Variants in PLAA observed in about 807,000 individuals in gnomAD.
PLAA encodes phospholipase A2 activating protein, also known as phospholipase A-2-activating protein.
A neutral mutation model predicts 84.1 loss-of-function variants in PLAA; 48 were observed. The observed-to-expected ratio is 0.57, with a 90% CI of 0.45 to 0.73. The LOEUF (loss-of-function observed/expected upper bound fraction) is 0.73. Ranked by LOEUF, PLAA falls within the 30% of genes least tolerant of loss-of-function variation. PLAA has a pLI of 0.00. For synonymous variants in PLAA, 392 were observed against 336.6 expected, an observed-to-expected ratio of 1.16 and a Z score of -1.80; for missense variants, 903 against 954.7, an observed-to-expected ratio of 0.95 and a Z score of 0.71.
intron 1 of PLAA, among the ~76,000 whole-genome samples, chr9:26,937,605 A>G (rs896853338): frequency 6.6e-6 from 1 of 152,218 alleles, no homozygotes; most frequent in Non-Finnish European, 1.5e-5. Flanking sequence ...GAGACTTTAA[A>G]ACAACTGTTT....
intron 10 of PLAA, among the ~76,000 whole-genome samples, chr9:26,914,276 C>G (rs890983864): frequency 2.6e-5 from 4 of 152,132 alleles, no homozygotes; most frequent in African/African-American, 9.7e-5. Flanking sequence ...GTGGGACTAA[C>G]TAGCACATAA....
At chr9:26,922,082 A>C (rs978406531) in intron 7 of PLAA, among the ~76,000 whole-genome samples, 1 of 152,226 alleles carries the variant, frequency 6.6e-6, no homozygotes, top group African/African-American at 2.4e-5. Flanking sequence ...AAAAACTGGT[A>C]GTTTAGCCTG....
chr9:26,908,590 C>T (rs1337130013), intron 12 of PLAA, among the ~76,000 whole-genome samples: 2 of 151,796 alleles, frequency 1.3e-5, no homozygotes, highest in African/African-American at 2.4e-5. Flanking sequence ...CTCAGCCTCC[C>T]GAGTAGCTGG....
rs565011145 is a variant in PLAA at position 26,903,768 on chromosome 9, TA to T, written c.*1742del. On this transcript the variant is annotated 3_prime_UTR_variant, in exon 14 of 14. Transcript: ENST00000397292. ...CAAACATGAAATAGTAAAGTTGACA[TA>T]AAAAAACTTGCACAGTAATAGGAAG... Among the ~76,000 whole-genome samples the T allele has an allele frequency of 6.6e-6, 1 of 152,176 alleles. No homozygotes were observed. Among genetic ancestry groups the T allele is most frequent in the South Asian group, 2.1e-4 (1 of 4,830 alleles).
At position 26,928,223 on chromosome 9, in the gene PLAA, G is replaced by A; in HGVS notation, c.445-3C>T. 6.2e-7 allele frequency: 1 copy of A among 1,614,130 alleles called. No homozygotes were observed. Among genetic ancestry groups the A allele is most frequent in the East Asian group, 2.2e-5 (1 of 44,876 alleles). On this transcript the variant is annotated splice_polypyrimidine_tract_variant and splice_region_variant and intron_variant, in intron 3 of 13. Coordinates refer to ENST00000397292, the MANE Select transcript of PLAA (RefSeq NM_001031689.3). ...GCCCACACTGCAGCTGTATGACCCT[G>A]TGAGTAAAATGAGTATCAATTTAAG...
intron 7 of PLAA, among the ~76,000 whole-genome samples, chr9:26,920,704 G>C (rs1824731539): frequency 6.6e-6 from 1 of 152,164 alleles, no homozygotes; most frequent in African/African-American, 2.4e-5. Context: ...CATTAATCCA[G>C]TGGCTCAAAC....
At chr9:26,939,417 A>C (rs1221502797) in intron 1 of PLAA, among the ~76,000 whole-genome samples, 1 of 151,244 alleles carries the variant, frequency 6.6e-6, no homozygotes, top group Non-Finnish European at 1.5e-5. Flanking sequence ...ATAAATAAAT[A>C]AACAAACATA....
chr9:26,927,374 C>G (rs192731982), intron 4 of PLAA, among the ~76,000 whole-genome samples: 60 of 152,240 alleles, frequency 3.9e-4, no homozygotes, highest in Admixed American at 9.2e-4. Context: ...CCACCCACCT[C>G]AGCCTCCCGA....
At chr9:26,939,938 T>C (rs1256665686) in intron 1 of PLAA, among the ~76,000 whole-genome samples, 3 of 152,202 alleles carry the variant, frequency 2.0e-5, no homozygotes, top group Non-Finnish European at 1.5e-5. Flanking sequence ...ACAATAATAG[T>C]TGAAGACTTC....
intron 1 of PLAA, among the ~76,000 whole-genome samples, chr9:26,937,179 A>G (rs1825386895): frequency 6.6e-6 from 1 of 152,148 alleles, no homozygotes; most frequent in Non-Finnish European, 1.5e-5. Context: ...CCATTCCCCT[A>G]ACACCTTCAT....
chr9:26,906,404 C>T (rs987727949), intron 13 of PLAA, among the ~76,000 whole-genome samples: 8 of 141,030 alleles, frequency 5.7e-5, no homozygotes, highest in African/African-American at 1.8e-4. Flanking sequence ...TAAGACCGAA[C>T]AATTAAACAG....
intron 9 of PLAA, 67 bp from the exon 10 acceptor site, chr9:26,917,232 G>T: frequency 8.0e-7 from 1 of 1,253,852 alleles, no homozygotes; most frequent in Non-Finnish European, 1.2e-6. Context: ...ACAGCACAAT[G>T]CTTGTTTTAG....
chr9:26,938,255 C>T (rs1239526693), intron 1 of PLAA, among the ~76,000 whole-genome samples: 1 of 152,158 alleles, frequency 6.6e-6, no homozygotes, highest in Non-Finnish European at 1.5e-5. Flanking sequence ...CACCTGTAGT[C>T]CCAGCACCTC....
Position 26,907,946 on chromosome 9 carries a change from C to G in PLAA, c.1710G>C (p.Glu570Asp). The change falls in exon 13 of 14, where the codon GAG (glutamate) becomes GAC (aspartate). Residue 570 changes from glutamate (E) to aspartate (D), a missense_variant. Transcript: ENST00000397292. ...GTAPEEKKLTEDDLILLEKIL... is the reference protein window; with the variant it reads ...GTAPEEKKLTDDDLILLEKIL... ...TCTTCTCAAGAAGTATCAAGTCATC[C>G]TCAGTTAACTTCTTCTCTTCAGGTG... 6.2e-7 allele frequency: 1 copy of G among 1,609,568 alleles called. No homozygotes were observed. The highest frequency in any genetic ancestry group is 8.5e-7 in the Non-Finnish European group (1 of 1,178,808).
At chr9:26,916,859 C>A (rs1824580042) in intron 10 of PLAA, among the ~76,000 whole-genome samples, 1 of 152,016 alleles carries the variant, frequency 6.6e-6, no homozygotes, top group Non-Finnish European at 1.5e-5. Context: ...TGGGAAGGAC[C>A]CCTGGAGAAA....
chr9:26,916,282 A>C, intron 10 of PLAA: 1 of 985,378 alleles, frequency 1.0e-6, no homozygotes, highest in Non-Finnish European at 1.2e-6. Context: ...TCTCTTCCCA[A>C]ACTGAGTATA....
chr9:26,938,253 G>C (rs1327437216), intron 1 of PLAA, among the ~76,000 whole-genome samples: 1 of 152,170 alleles, frequency 6.6e-6, no homozygotes, highest in African/African-American at 2.4e-5. Context: ...CACACCTGTA[G>C]TCCCAGCACC....
At chr9:26,920,433 T>C in intron 7 of PLAA, 49 bp from the exon 8 acceptor site, 1 of 1,232,194 alleles carries the variant, frequency 8.1e-7, no homozygotes, top group Non-Finnish European at 1.1e-6. Flanking sequence ...AATGTAAAAT[T>C]GAAAAACATT....
intron 1 of PLAA, among the ~76,000 whole-genome samples, chr9:26,938,488 A>C (rs1354140414): frequency 6.6e-6 from 1 of 151,148 alleles, no homozygotes; most frequent in Non-Finnish European, 1.5e-5. Flanking sequence ...GGAGTTTGAG[A>C]CTTAAGTGAG....
Sources: allele counts gnomAD v4.1 joint callset (sites outside exome capture counted in the v4.1 genomes callset), GRCh38; gene constraint gnomAD v4.1.1; transcripts MANE v1.5; gene names NCBI Gene and HGNC (gene_info 2026-07-23, HGNC 2026-07-21).